The following FAM13A variants were observed in gnomAD, a reference collection of about 807,000 sequenced individuals.
The protein encoded by FAM13A is family with sequence similarity 13 member A.
In FAM13A, 76 loss-of-function variants were observed where a neutral mutation model predicts 129.6. That is an observed-to-expected ratio of 0.59 (90% CI 0.49 to 0.71). FAM13A has a LOEUF of 0.71. Ranked by LOEUF, FAM13A falls within the 30% of genes least tolerant of loss-of-function variation. FAM13A has a pLI of 0.00. For missense variants in FAM13A, 1,108 were observed against 1,249.3 expected, an observed-to-expected ratio of 0.89 and a Z score of 1.70; for synonymous variants, 443 against 449.9, an observed-to-expected ratio of 0.98 and a Z score of 0.20.
chr4:88,938,324 TCTC>T (rs1365815411), intron 4 of FAM13A, 83 bp from the exon 5 acceptor site: 18 of 1,081,822 alleles, frequency 1.7e-5, no homozygotes, highest in African/African-American at 1.1e-4. Context: ...TATTTTGAAA[TCTC>T]CTGAATAATT....
At chr4:88,864,915 T>C (rs906057753) in intron 6 of FAM13A, among the ~76,000 whole-genome samples, 1 of 152,168 alleles carries the variant, frequency 6.6e-6, no homozygotes, top group African/African-American at 2.4e-5. Flanking sequence ...CAAATATATC[T>C]AGCTATTAAG....
intron 8 of FAM13A, among the ~76,000 whole-genome samples, chr4:88,791,750 T>A (rs1366122061): frequency 6.6e-6 from 1 of 152,128 alleles, no homozygotes; most frequent in East Asian, 1.9e-4. Context: ...CATATGAATA[T>A]GTTGCTTGGG....
chr4:88,862,900 C>T (rs1274107324), intron 6 of FAM13A, among the ~76,000 whole-genome samples: 1 of 151,480 alleles, frequency 6.6e-6, no homozygotes, highest in Non-Finnish European at 1.5e-5. Flanking sequence ...TTAAGAGAGA[C>T]TTCTCACTGG....
chr4:89,054,717 G>A (rs1216785345), intron 1 of FAM13A, among the ~76,000 whole-genome samples: 1 of 152,086 alleles, frequency 6.6e-6, no homozygotes, highest in Non-Finnish European at 1.5e-5. Flanking sequence ...CATCAGAAAA[G>A]AGACTAAAAG....
intron 3 of FAM13A, among the ~76,000 whole-genome samples, chr4:89,019,289 G>T (rs1766928460): frequency 6.6e-6 from 1 of 152,204 alleles, no homozygotes; most frequent in Non-Finnish European, 1.5e-5. Context: ...GTAAAGGAAT[G>T]TGGCTTTAGG....
At chr4:88,761,501 T>C (rs1270328309) in intron 13 of FAM13A, among the ~76,000 whole-genome samples, 2 of 151,960 alleles carry the variant, frequency 1.3e-5, no homozygotes, top group South Asian at 2.1e-4. Flanking sequence ...AAATTTTGAT[T>C]TGGGGGCAGA....
chr4:88,993,923 G>A (rs893339336), intron 3 of FAM13A, among the ~76,000 whole-genome samples: 7 of 151,816 alleles, frequency 4.6e-5, no homozygotes, highest in African/African-American at 1.7e-4. Flanking sequence ...CCTGGGAAGC[G>A]GAGGTTGCAG....
At chr4:88,837,467 C>G (rs1291188529) in intron 7 of FAM13A, among the ~76,000 whole-genome samples, 1 of 150,366 alleles carries the variant, frequency 6.7e-6, no homozygotes, top group Non-Finnish European at 1.5e-5. Flanking sequence ...TGTAATCCCA[C>G]CACTTTGGGA....
intron 4 of FAM13A, among the ~76,000 whole-genome samples, chr4:88,980,971 G>A (rs1328042492): frequency 6.6e-5 from 10 of 152,154 alleles, no homozygotes; most frequent in African/African-American, 2.4e-4. Flanking sequence ...TTTTGGTGCT[G>A]CCACTAAGAA....
intron 6 of FAM13A, 113 bp downstream of exon 6, chr4:88,906,266 C>G (rs1014400831): frequency 9.2e-6 from 7 of 762,002 alleles, no homozygotes; most frequent in Non-Finnish European, 1.5e-5. Flanking sequence ...CCAGCCTGGA[C>G]GATAAAGCAA....
chr4:88,945,990 G>GTGTGTGTGTGTGTGTGTA, intron 4 of FAM13A, among the ~76,000 whole-genome samples: 1 of 61,966 alleles, frequency 1.6e-5, no homozygotes, highest in Non-Finnish European at 2.9e-5. Context: ...GTGTGTGTGT[G>GTGTGTGTGTGTGTGTGTA]TATATATATA....
At chr4:89,044,286 A>G (rs932207991) in intron 1 of FAM13A, among the ~76,000 whole-genome samples, 6 of 152,220 alleles carry the variant, frequency 3.9e-5, no homozygotes, top group Non-Finnish European at 7.3e-5. Flanking sequence ...CATTTTTCCA[A>G]ATAAGACATA....
At chr4:89,000,943 T>A (rs1764175694) in intron 3 of FAM13A, among the ~76,000 whole-genome samples, 1 of 152,256 alleles carries the variant, frequency 6.6e-6, no homozygotes, top group Admixed American at 6.5e-5. Flanking sequence ...AATGTACATA[T>A]GCACGCACAC....
intron 4 of FAM13A, among the ~76,000 whole-genome samples, chr4:88,987,838 C>CAAAAAAAAAAAAAAAAAAAA (rs1158179811): frequency 2.1e-4 from 15 of 71,176 alleles, no homozygotes; most frequent in African/African-American, 5.3e-4. Flanking sequence ...AGACTCCTCT[C>CAAAAAAAAAAAAAAAAAAAA]AAAAAAAAAA....
intron 6 of FAM13A, among the ~76,000 whole-genome samples, chr4:88,859,616 A>C (rs893626967): frequency 6.6e-6 from 1 of 152,190 alleles, no homozygotes; most frequent in Non-Finnish European, 1.5e-5. Flanking sequence ...CAAGAGAGGA[A>C]GCATGAAGGG....
intron 1 of FAM13A, among the ~76,000 whole-genome samples, chr4:89,045,853 G>A (rs566843745): frequency 1.3e-4 from 20 of 151,866 alleles, no homozygotes; most frequent in Non-Finnish European, 2.8e-4. Flanking sequence ...GAGAAACCCC[G>A]TCTCTACTAA....
chr4:88,971,796 C>A (rs528520450), intron 4 of FAM13A, among the ~76,000 whole-genome samples: 2 of 152,314 alleles, frequency 1.3e-5, no homozygotes, highest in South Asian at 4.1e-4. Flanking sequence ...AGGCATGAGC[C>A]ACCGCTCCTG....
At chr4:88,971,118 T>C (rs1760023974) in intron 4 of FAM13A, among the ~76,000 whole-genome samples, 1 of 151,948 alleles carries the variant, frequency 6.6e-6, no homozygotes. Context: ...GAGAATGGCA[T>C]GAGGCAGGAG....
intron 1 of FAM13A, among the ~76,000 whole-genome samples, chr4:89,051,457 C>T (rs1007747612): frequency 6.6e-6 from 1 of 152,180 alleles, no homozygotes; most frequent in African/African-American, 2.4e-5. Context: ...GAGGTACAAA[C>T]ATTTACTCTA....
Sources: gnomAD v4.1 joint callset for allele counts (sites outside exome capture counted in the v4.1 genomes callset) on GRCh38, gnomAD v4.1.1 for gene constraint, MANE v1.5 for transcripts, NCBI Gene and HGNC (gene_info 2026-07-23, HGNC 2026-07-21) for gene names.